The following ME1 variants were observed in gnomAD, a reference collection of about 807,000 sequenced individuals.
ME1 encodes malic enzyme 1.
Under a neutral mutation model 66.4 loss-of-function variants are expected in ME1, and 74 were observed. The observed-to-expected ratio is 1.11, with a 90% CI of 0.92 to 1.35. The LOEUF (loss-of-function observed/expected upper bound fraction) is 1.35. Ranked by LOEUF, ME1 falls within the 40% of genes most tolerant of loss-of-function variation. The pLI, the probability that ME1 is intolerant of heterozygous loss-of-function variation, is 0.00. For missense variants in ME1, 750 were observed against 694.1 expected (o/e 1.08, Z -0.90); for synonymous variants, 251 against 235.6 (o/e 1.07, Z -0.60).
intron 2 of ME1, among the ~76,000 whole-genome samples, chr6:83,402,375 TC>T: frequency 6.6e-6 from 1 of 152,266 alleles, no homozygotes; most frequent in African/African-American, 2.4e-5. Context: ...GCAAAATTTC[TC>T]CTTTCTACCC....
chr6:83,387,226 T>G (rs559322078), intron 3 of ME1, among the ~76,000 whole-genome samples: 1 of 152,242 alleles, frequency 6.6e-6, no homozygotes, highest in Admixed American at 6.5e-5. Flanking sequence ...CAGGTAGATT[T>G]AAAACTAGAG....
intron 3 of ME1, among the ~76,000 whole-genome samples, chr6:83,355,386 A>G (rs1404030910): frequency 6.6e-6 from 1 of 152,150 alleles, no homozygotes; most frequent in Non-Finnish European, 1.5e-5. Flanking sequence ...AAGGTTTTCC[A>G]AATAACACTG....
intron 1 of ME1, among the ~76,000 whole-genome samples, chr6:83,425,741 T>A (rs1770359027): frequency 1.3e-5 from 2 of 152,252 alleles, no homozygotes. Context: ...ATGTTCTTAC[T>A]CAACCATTAC....
At chr6:83,291,369 T>C (rs1005858108) in intron 6 of ME1, among the ~76,000 whole-genome samples, 1 of 152,244 alleles carries the variant, frequency 6.6e-6, no homozygotes, top group Non-Finnish European at 1.5e-5. Flanking sequence ...TATTTCTCCT[T>C]CACTTATGAA....
intron 9 of ME1, among the ~76,000 whole-genome samples, chr6:83,229,558 G>A (rs1174031652): frequency 1.3e-5 from 2 of 152,096 alleles, no homozygotes; most frequent in Non-Finnish European, 2.9e-5. Context: ...CTTACAAGTT[G>A]TTTTCACATA....
intron 5 of ME1, among the ~76,000 whole-genome samples, chr6:83,342,973 C>A (rs546818745): frequency 3.2e-4 from 48 of 152,288 alleles, no homozygotes; most frequent in African/African-American, 1.1e-3. Flanking sequence ...TAGGAGCCAC[C>A]ACCCCCGGCC....
At chr6:83,237,397 GGAAAGAAAGAAAAAGAAA>G (rs1027397900) in intron 9 of ME1, among the ~76,000 whole-genome samples, 1 of 118,830 alleles carries the variant, frequency 8.4e-6, no homozygotes, top group Non-Finnish European at 1.7e-5. Flanking sequence ...AAGGAAGGAA[GGAAAGAAAGAAAAAGAAA>G]GAAAGAAAGA....
At chr6:83,369,374 C>T (rs1769153243) in intron 3 of ME1, among the ~76,000 whole-genome samples, 2 of 152,132 alleles carry the variant, frequency 1.3e-5, no homozygotes, top group East Asian at 1.9e-4. Context: ...GGGTTTTGGC[C>T]TAACAGATTA....
chr6:83,213,101 C>G (rs1183941650), intron 13 of ME1, among the ~76,000 whole-genome samples: 4 of 149,850 alleles, frequency 2.7e-5, no homozygotes. Flanking sequence ...GGCACGATCT[C>G]AGCTCACTGC....
At chr6:83,239,359 T>G (rs1392952498) in intron 8 of ME1, among the ~76,000 whole-genome samples, 180 bp downstream of exon 8, 1 of 152,100 alleles carries the variant, frequency 6.6e-6, no homozygotes, top group South Asian at 2.1e-4. Context: ...ATTACTTCTG[T>G]ACTAAATTAT....
At position 83,214,887 on chromosome 6, in the gene ME1, C is replaced by A. The variant is rs191269484; in HGVS notation, c.1548+1611G>T. 5.3e-5 allele frequency among the ~76,000 whole-genome samples: 8 copies of A among 152,178 alleles called. No homozygotes were observed. The East Asian group carries it at 1.4e-3, about 26-fold the overall frequency. On this transcript the variant is annotated intron_variant, in intron 13 of 13. Transcript: ENST00000369705. ...AATTTCTGTGTATGCACTCTGTATT[C>A]TTCCATTATTCTAGGTGTGATATCT... is the stretch of plus-strand genomic sequence containing the variant.
chr6:83,405,114 A>G (rs934057632), intron 2 of ME1, among the ~76,000 whole-genome samples: 2 of 152,184 alleles, frequency 1.3e-5, no homozygotes, highest in African/African-American at 2.4e-5. Flanking sequence ...CCATTTTCAC[A>G]ATATTGATTC....
rs1769667643 is a variant in ME1, at chr6:83,393,421, C to T, written c.362+4946G>A. The T allele has an allele frequency of 6.2e-6, 4 of 641,306 alleles. No homozygotes were observed. The South Asian group carries it at 6.8e-5, about 11-fold the overall frequency. 39.7% of individuals were successfully genotyped at this position (641,306 alleles called of 1,614,324 possible). A position where few individuals can be genotyped will look rare whatever the true frequency, so the allele number is the denominator to read the frequency against. ...CTTCCAAGGAGTAAGACCCCCAGAC[C>T]ACCAGCCCCAGCGACAGCACGACGG... On this transcript the variant is annotated intron_variant, in intron 3 of 13. Transcript: ENST00000369705.
At chr6:83,340,564 C>G (rs6908259) in intron 5 of ME1, among the ~76,000 whole-genome samples, 71,250 of 151,978 alleles carry the variant, frequency 0.47, 18,553 homozygotes, top group African/African-American at 0.69. Flanking sequence ...AACCATGACA[C>G]CTCTATGAGG....
At chr6:83,246,044 G>A (rs150691287) in intron 7 of ME1, among the ~76,000 whole-genome samples, 2 of 152,058 alleles carry the variant, frequency 1.3e-5, no homozygotes, top group African/African-American at 4.8e-5. Context: ...TGTCTGCTAC[G>A]ATCAGTTATG....
intron 6 of ME1, among the ~76,000 whole-genome samples, chr6:83,265,732 A>T (rs1766977170): frequency 6.6e-6 from 1 of 152,192 alleles, no homozygotes; most frequent in African/African-American, 2.4e-5. Flanking sequence ...AATGAATATG[A>T]ATGTTATTTA....
At chr6:83,301,595 G>A (rs187646764) in intron 6 of ME1, among the ~76,000 whole-genome samples, 88 of 151,996 alleles carry the variant, frequency 5.8e-4, no homozygotes, top group African/African-American at 1.8e-3. Context: ...CACCCACCTC[G>A]GCCTCCCAAA....
intron 3 of ME1, among the ~76,000 whole-genome samples, chr6:83,355,693 T>C (rs984890082): frequency 6.6e-6 from 1 of 152,130 alleles, no homozygotes; most frequent in Admixed American, 6.5e-5. Context: ...CCGAATGAGA[T>C]ATCCAAAAGT....
intron 6 of ME1, among the ~76,000 whole-genome samples, chr6:83,311,503 G>A (rs917909311): frequency 1.3e-5 from 2 of 152,154 alleles, no homozygotes; most frequent in South Asian, 4.1e-4. Context: ...AATGACAGAA[G>A]AGGGGATTGC....
Sources: allele counts gnomAD v4.1 joint callset (sites outside exome capture counted in the v4.1 genomes callset), GRCh38; gene constraint gnomAD v4.1.1; transcripts MANE v1.5; gene names NCBI Gene and HGNC (gene_info 2026-07-23, HGNC 2026-07-21).